AOPEP: variants seen among roughly 807,000 people sequenced by gnomAD.
AOPEP encodes the protein aminopeptidase O.
AOPEP carries 77 observed loss-of-function variants against 98.1 expected under a neutral mutation model. The ratio of observed to expected loss-of-function variants is 0.78; its 90% CI spans 0.65 to 0.95. The LOEUF (loss-of-function observed/expected upper bound fraction) is 0.95, where lower values mean the gene tolerates loss of function less well. Among genes scored for constraint, AOPEP ranks in the 40% least tolerant of loss-of-function variants. AOPEP has a pLI of 0.00. For missense variants in AOPEP, 1,024 were observed against 1,024.7 expected, an observed-to-expected ratio of 1.00 and a Z score of 0.01; for synonymous variants, 346 against 365.3, an observed-to-expected ratio of 0.95 and a Z score of 0.60.
the AOPEP span, among the ~76,000 whole-genome samples, chr9:95,120,165 T>C: frequency 6.6e-6 from 1 of 152,266 alleles, no homozygotes; most frequent in Non-Finnish European, 1.5e-5. Context: ...TTGAAGCCCA[T>C]GATCCTCTCA....
At chr9:94,950,973 A>G (rs1229761383) in intron 7 of AOPEP, among the ~76,000 whole-genome samples, 1 of 152,206 alleles carries the variant, frequency 6.6e-6, no homozygotes, top group Non-Finnish European at 1.5e-5. Context: ...TGTATCAAAT[A>G]TCACTGCCAC....
chr9:94,853,054 C>T (rs757786217), intron 5 of AOPEP, among the ~76,000 whole-genome samples: 24 of 152,066 alleles, frequency 1.6e-4, no homozygotes, highest in Non-Finnish European at 3.2e-4. Flanking sequence ...GACCACAGTA[C>T]AGATATAGAA....
chr9:95,111,755 G>A, the AOPEP span: 1 of 1,127,734 alleles, frequency 8.9e-7, no homozygotes, highest in Non-Finnish European at 1.3e-6. Flanking sequence ...CCACTGAAGT[G>A]CAACCTGCAA....
At chr9:95,029,289 A>T (rs1328970473) in intron 13 of AOPEP, among the ~76,000 whole-genome samples, 1 of 152,166 alleles carries the variant, frequency 6.6e-6, no homozygotes, top group Non-Finnish European at 1.5e-5. Context: ...TGAATTCCTT[A>T]TGGGCATTGT....
intron 13 of AOPEP, chr9:95,019,148 A>C (rs2063260218): frequency 6.6e-6 from 1 of 152,198 alleles, no homozygotes; most frequent in African/African-American, 2.4e-5. Context: ...CAGCAAGTAC[A>C]GCAGCAGCAA....
chr9:94,919,887 G>A (rs2053356765), intron 5 of AOPEP, among the ~76,000 whole-genome samples: 1 of 152,150 alleles, frequency 6.6e-6, no homozygotes, highest in Admixed American at 6.5e-5. Flanking sequence ...TCTCTATCAT[G>A]GGATATTGGG....
chr9:94,993,138 C>A (rs1374332756), intron 11 of AOPEP, among the ~76,000 whole-genome samples: 1 of 152,154 alleles, frequency 6.6e-6, no homozygotes, highest in Non-Finnish European at 1.5e-5. Flanking sequence ...CCTGTTTGAT[C>A]AGGAGATGAA....
At chr9:94,797,244 CA>C (rs1265667742) in intron 4 of AOPEP, among the ~76,000 whole-genome samples, 5 of 152,074 alleles carry the variant, frequency 3.3e-5, no homozygotes, top group African/African-American at 1.2e-4. Context: ...CCATCCTGAC[CA>C]ACATGGTGAA....
chr9:95,121,899 C>T, the AOPEP span, among the ~76,000 whole-genome samples: 1 of 151,180 alleles, frequency 6.6e-6, no homozygotes, highest in Non-Finnish European at 1.5e-5. Flanking sequence ...GCTCTGTCGC[C>T]CAGGCTGGAG....
chr9:95,049,037 C>T lies in AOPEP; in HGVS notation c.2116-11657C>T, dbSNP rs529437426. 2.0e-5 allele frequency: 3 copies of T among 152,312 alleles called. No homozygotes were observed. The South Asian group carries it at 6.2e-4, about 32-fold the overall frequency. 9.4% of individuals were successfully genotyped at this position (152,312 alleles called of 1,614,324 possible). A position where few individuals can be genotyped will look rare whatever the true frequency, so the allele number is the denominator to read the frequency against. Reference sequence around the variant, plus strand: ...CGGCTCCAGGGGAGAGGGCTGGGCTCCACAGAGAGGAGCAGCCTGTGAGTT... The same window carrying T: ...CGGCTCCAGGGGAGAGGGCTGGGCTTCACAGAGAGGAGCAGCCTGTGAGTT... On this transcript the variant is annotated intron_variant, in intron 13 of 16. Transcript: ENST00000375315.
chr9:94,878,306 T>C (rs902869653), intron 5 of AOPEP, among the ~76,000 whole-genome samples: 34 of 149,936 alleles, frequency 2.3e-4, no homozygotes, highest in Non-Finnish European at 4.3e-4. Context: ...TACCTTAAAG[T>C]CTCCAACAGG....
At chr9:95,031,286 G>A (rs564095165) in intron 13 of AOPEP, among the ~76,000 whole-genome samples, 3 of 152,036 alleles carry the variant, frequency 2.0e-5, no homozygotes, top group Admixed American at 6.6e-5. Context: ...TCAGTGCGTC[G>A]GTCTGTCTTT....
intron 13 of AOPEP, among the ~76,000 whole-genome samples, chr9:95,053,504 A>G (rs2066563049): frequency 6.6e-6 from 1 of 152,140 alleles, no homozygotes; most frequent in Non-Finnish European, 1.5e-5. Flanking sequence ...TACTCAACCA[A>G]CCGTTTTTTT....
At chr9:94,758,597 G>A (rs569258070) in intron 1 of AOPEP, among the ~76,000 whole-genome samples, 1 of 152,320 alleles carries the variant, frequency 6.6e-6, no homozygotes, top group African/African-American at 2.4e-5. Context: ...ATGTTTTGCA[G>A]TTGTTGAAAG....
chr9:94,868,463 A>T (rs1398365248), intron 5 of AOPEP, among the ~76,000 whole-genome samples: 2 of 152,164 alleles, frequency 1.3e-5, no homozygotes, highest in Non-Finnish European at 2.9e-5. Context: ...GGTCCACTGG[A>T]ATTCTTTGTT....
chr9:95,111,434 A>G, the AOPEP span: 3 of 1,605,912 alleles, frequency 1.9e-6, no homozygotes, highest in South Asian at 2.2e-5. Flanking sequence ...AGCCCACCCC[A>G]AACACATGCA....
intron 13 of AOPEP, among the ~76,000 whole-genome samples, chr9:95,041,635 C>G (rs1380068040): frequency 1.3e-5 from 2 of 152,036 alleles, no homozygotes; most frequent in Non-Finnish European, 1.5e-5. Context: ...TATTTCTTAC[C>G]GGCTGTAATA....
At chr9:94,953,591 C>T (rs2058258374) in intron 7 of AOPEP, among the ~76,000 whole-genome samples, 1 of 152,160 alleles carries the variant, frequency 6.6e-6, no homozygotes, top group Non-Finnish European at 1.5e-5. Flanking sequence ...GGATTATTCC[C>T]ATTTTACAAG....
intron 7 of AOPEP, among the ~76,000 whole-genome samples, chr9:94,953,640 G>A (rs757287819): frequency 2.0e-5 from 3 of 152,154 alleles, no homozygotes; most frequent in Non-Finnish European, 4.4e-5. Flanking sequence ...GTAGTAAGAA[G>A]TAAGGCTGCT....
Sources: gnomAD v4.1 joint callset for allele counts (sites outside exome capture counted in the v4.1 genomes callset) on GRCh38, gnomAD v4.1.1 for gene constraint, MANE v1.5 for transcripts, NCBI Gene and HGNC (gene_info 2026-07-23, HGNC 2026-07-21) for gene names.